Variants in PCDHA12 observed in about 807,000 individuals in gnomAD.
PCDHA12 encodes the protein protocadherin alpha-12.
PCDHA12 carries 44 observed loss-of-function variants against 60.0 expected under a neutral mutation model. The ratio of observed to expected loss-of-function variants is 0.73; its 90% CI spans 0.58 to 0.94. The LOEUF is 0.94. Ranked by LOEUF, PCDHA12 falls within the 40% of genes least tolerant of loss-of-function variation. The pLI is 0.00. For synonymous variants in PCDHA12, 569 were observed against 553.0 expected, an observed-to-expected ratio of 1.03 and a Z score of -0.40; for missense variants, 1,276 against 1,239.7, an observed-to-expected ratio of 1.03 and a Z score of -0.44.
At chr5:140,917,598 G>A (rs2078274580) in intron 1 of PCDHA12, among the ~76,000 whole-genome samples, 1 of 152,174 alleles carries the variant, frequency 6.6e-6, no homozygotes, top group Non-Finnish European at 1.5e-5. Flanking sequence ...TGAAAGGAAG[G>A]GGTCCAGTTT....
intron 2 of PCDHA12, among the ~76,000 whole-genome samples, chr5:140,979,752 G>A (rs1048851264): frequency 4.6e-5 from 7 of 152,138 alleles, no homozygotes; most frequent in South Asian, 2.1e-4. Context: ...CATTATTTGC[G>A]AATGTCTTTG....
intron 1 of PCDHA12, among the ~76,000 whole-genome samples, chr5:140,972,657 CA>C (rs1342092810): frequency 2.8e-5 from 4 of 143,798 alleles, no homozygotes; most frequent in South Asian, 4.5e-4. Context: ...AAAAAGAAAC[CA>C]AATTTTTTTT....
intron 2 of PCDHA12, among the ~76,000 whole-genome samples, chr5:140,980,278 GAAAAGT>G (rs1267614144): frequency 6.6e-6 from 1 of 152,166 alleles, no homozygotes; most frequent in Non-Finnish European, 1.5e-5. Context: ...ACCAACTCTT[GAAAAGT>G]ACCAAAGCTA....
intron 1 of PCDHA12, among the ~76,000 whole-genome samples, chr5:140,914,744 T>C (rs989394283): frequency 6.6e-6 from 1 of 152,280 alleles, no homozygotes; most frequent in Non-Finnish European, 1.5e-5. Context: ...TGTATGTTTT[T>C]CCATTTGAGG....
chr5:140,927,731 T>G lies in PCDHA12; in HGVS notation c.2367+49892T>G, dbSNP rs781789205. 19 of 1,614,078 alleles carry G rather than the reference T, an allele frequency of 1.2e-5. No individual in the cohort carries two copies. The highest frequency in any genetic ancestry group is 1.4e-5 in the Non-Finnish European group (17 of 1,180,038). ...CTAAGCAACAGCACGCAAGCAGAGC[T>G]GCGACACCGCTTTCACGTGCACCCT... On this transcript the variant is annotated intron_variant, in intron 1 of 3. Transcript: ENST00000398631.
chr5:140,928,731 C>T, intron 1 of PCDHA12: 2 of 1,614,164 alleles, frequency 1.2e-6, no homozygotes, highest in Non-Finnish European at 1.7e-6. Context: ...GAATTTCAGC[C>T]AATATAGGTG....
chr5:140,881,458 G>C (rs2058720447), intron 1 of PCDHA12: 1 of 671,966 alleles, frequency 1.5e-6, no homozygotes, highest in Non-Finnish European at 1.8e-6. Context: ...CAAAACCTTA[G>C]AGCATTGTTG....
chr5:140,991,086 T>C (rs2097431989), intron 3 of PCDHA12, among the ~76,000 whole-genome samples: 1 of 152,206 alleles, frequency 6.6e-6, no homozygotes, highest in African/African-American at 2.4e-5. Context: ...ATAAAAAAAT[T>C]AAAGCTCATA....
In PCDHA12 at chr5:140,877,705, G is replaced by A. The variant is rs974017564; in HGVS notation, c.2233G>A (p.Val745Met). The A allele has an allele frequency of 6.2e-7, 1 of 1,614,016 alleles. No homozygotes were observed. The highest frequency in any genetic ancestry group is 1.1e-5 in the South Asian group (1 of 91,086). Residue 745 changes from valine (V) to methionine (M), a missense_variant, in exon 1 of 4, where the codon GTG (valine) becomes ATG (methionine). Transcript: ENST00000398631. ...GKPTLVCSSA[V>M]GSWSYSQQRR... is the part of the protein sequence containing the mutation. Reference sequence around the variant, plus strand: ...GCCCACGCTGGTGTGCTCCAGCGCCGTGGGGAGTTGGTCTTACTCGCAGCA... The same window carrying A: ...GCCCACGCTGGTGTGCTCCAGCGCCATGGGGAGTTGGTCTTACTCGCAGCA...
chr5:140,916,579 T>C (rs1013124807), intron 1 of PCDHA12, among the ~76,000 whole-genome samples: 14 of 152,176 alleles, frequency 9.2e-5, no homozygotes, highest in Non-Finnish European at 1.6e-4. Context: ...AGAAATGTCA[T>C]CCATGAGCTA....
chr5:140,882,656 C>T, intron 1 of PCDHA12: 1 of 1,614,192 alleles, frequency 6.2e-7, no homozygotes, highest in Non-Finnish European at 8.5e-7. Flanking sequence ...TAACGACAAC[C>T]CGCCCATATT....
At chr5:140,969,284 G>T (rs782449740) in intron 1 of PCDHA12, 1 of 1,614,216 alleles carries the variant, frequency 6.2e-7, no homozygotes, top group Non-Finnish European at 8.5e-7. Flanking sequence ...TGGTCAGAAT[G>T]CTGGGAACCT....
chr5:141,007,084 AAG>A lies in PCDHA12; in HGVS notation c.2516-2538_2516-2537del, dbSNP rs576927752. On this transcript the variant is annotated intron_variant, in intron 3 of 3. Transcript: ENST00000398631. ...AGGAGAGAGTGAAGAGAAAATAGAG[AAG>A]AGAGTCTAGGGCCAAACCCAAGGAA... Among the ~76,000 whole-genome samples, 32 of 152,274 alleles carry A rather than the reference AAG, an allele frequency of 2.1e-4. No individual in the cohort carries two copies. The East Asian group carries it at 3.3e-3, about 16-fold the overall frequency.
chr5:140,895,136 A>G (rs781801401), intron 1 of PCDHA12, among the ~76,000 whole-genome samples: 43 of 152,306 alleles, frequency 2.8e-4, no homozygotes, highest in Non-Finnish European at 5.6e-4. Context: ...ACAAGTTCAT[A>G]GGGCTAAGAC....
intron 1 of PCDHA12, among the ~76,000 whole-genome samples, chr5:140,895,075 A>C (rs1309295177): frequency 6.6e-6 from 1 of 152,102 alleles, no homozygotes; most frequent in Admixed American, 6.5e-5. Flanking sequence ...AATTCCTATC[A>C]GTTCCTCCTC....
intron 1 of PCDHA12, among the ~76,000 whole-genome samples, chr5:140,974,630 A>G (rs1252889789): frequency 6.7e-6 from 1 of 149,794 alleles, no homozygotes; most frequent in Non-Finnish European, 1.5e-5. Context: ...TCCTGCCTCA[A>G]CCTCCCGAGT....
intron 1 of PCDHA12, among the ~76,000 whole-genome samples, chr5:140,951,897 G>A (rs2094651245): frequency 6.6e-6 from 1 of 152,106 alleles, no homozygotes; most frequent in Non-Finnish European, 1.5e-5. Context: ...CTGCCTATGA[G>A]CCTGTAAAAT....
At chr5:140,920,548 C>T (rs1222470517) in intron 1 of PCDHA12, among the ~76,000 whole-genome samples, 5 of 152,186 alleles carry the variant, frequency 3.3e-5, no homozygotes, top group Admixed American at 6.5e-5. Context: ...ATTTCACCTT[C>T]GAAGTGTGGC....
At chr5:140,928,536 GA>G (rs782686789) in intron 1 of PCDHA12, 1 of 1,614,228 alleles carries the variant, frequency 6.2e-7, no homozygotes, top group Non-Finnish European at 8.5e-7. Context: ...TGGTAGATAG[GA>G]ATGACAATTA....
Sources: gnomAD v4.1 joint callset for allele counts (sites outside exome capture counted in the v4.1 genomes callset) on GRCh38, gnomAD v4.1.1 for gene constraint, MANE v1.5 for transcripts, NCBI Gene and HGNC (gene_info 2026-07-23, HGNC 2026-07-21) for gene names.